Variants in ADAMTS5 observed in about 807,000 individuals in gnomAD.
ADAMTS5 encodes ADAM metallopeptidase with thrombospondin type 1 motif 5.
A neutral mutation model predicts 81.4 loss-of-function variants in ADAMTS5; 54 were observed. The observed-to-expected ratio is 0.66, with a 90% CI of 0.53 to 0.83. The LOEUF is 0.83. ADAMTS5 is among the 40% of genes least tolerant of loss of function. The pLI, the probability that ADAMTS5 is intolerant of heterozygous loss-of-function variation, is 0.00. For synonymous variants in ADAMTS5, 532 were observed against 508.8 expected (o/e 1.05, Z -0.61); for missense variants, 1,194 against 1,229.9 (o/e 0.97, Z 0.44).
At chr21:26,950,945 TC>T (rs993287439) in intron 2 of ADAMTS5, among the ~76,000 whole-genome samples, 100 of 152,240 alleles carry the variant, frequency 6.6e-4, no homozygotes, top group African/African-American at 2.3e-3. Context: ...ATCCTCTGTC[TC>T]CTGGGCTCAA....
chr21:26,924,675 A>G (rs976078119), intron 7 of ADAMTS5, 55 bp from the exon 8 acceptor site: 1 of 1,377,826 alleles, frequency 7.3e-7, no homozygotes, highest in African/African-American at 1.5e-5. Context: ...AAAAGGGAGA[A>G]AAAAATGAGT....
At chr21:26,943,356 T>TG in intron 3 of ADAMTS5, 24 bp downstream of exon 3, 1 of 1,590,724 alleles carries the variant, frequency 6.3e-7, no homozygotes, top group South Asian at 1.1e-5. Flanking sequence ...TTTCTCAGTC[T>TG]GTGTTCTCCT....
intron 2 of ADAMTS5, among the ~76,000 whole-genome samples, chr21:26,949,589 C>T (rs1049968878): frequency 3.1e-4 from 47 of 152,044 alleles, no homozygotes; most frequent in African/African-American, 1.1e-3. Flanking sequence ...ACTTTTTATG[C>T]CACCTTCAAT....
intron 2 of ADAMTS5, among the ~76,000 whole-genome samples, chr21:26,949,164 A>G (rs543309442): frequency 6.7e-6 from 1 of 149,324 alleles, no homozygotes; most frequent in Non-Finnish European, 1.5e-5. Context: ...TCACACATAT[A>G]TCCATATATA....
intron 2 of ADAMTS5, among the ~76,000 whole-genome samples, chr21:26,944,277 G>A (rs1426968142): frequency 6.6e-6 from 1 of 152,136 alleles, no homozygotes; most frequent in Non-Finnish European, 1.5e-5. Context: ...ATAATATGGA[G>A]TTTGAGAGCT....
chr21:26,950,183 A>G (rs1351849978), intron 2 of ADAMTS5, among the ~76,000 whole-genome samples: 2 of 152,216 alleles, frequency 1.3e-5, no homozygotes, highest in Admixed American at 6.5e-5. Flanking sequence ...TAACCACTAT[A>G]AAGCAAAGCT....
chr21:26,966,447 T>C lies in ADAMTS5; in HGVS notation c.-56A>G. Reference sequence around the variant, plus strand: ...ACTGGGACTTTATGGGTATTTGTTATTTGCTATGAAGTTAACGGGGCGGGG... The same window carrying C: ...ACTGGGACTTTATGGGTATTTGTTACTTGCTATGAAGTTAACGGGGCGGGG... On this transcript the variant is annotated 5_prime_UTR_variant, in exon 1 of 8. Coordinates refer to ENST00000284987, the MANE Select transcript of ADAMTS5 (RefSeq NM_007038.5). 2.2e-6 allele frequency: 3 copies of C among 1,392,348 alleles called. No homozygotes were observed. Among genetic ancestry groups the C allele is most frequent in the Non-Finnish European group, 2.8e-6 (3 of 1,082,672 alleles). The allele number at this position is 1,392,348 out of a possible 1,614,324, so 86.2% of individuals were successfully genotyped here. A position where few individuals can be genotyped will look rare whatever the true frequency, so the allele number is the denominator to read the frequency against.
chr21:26,930,196 A>G, intron 6 of ADAMTS5, 135 bp from the exon 7 acceptor site: 1 of 807,260 alleles, frequency 1.2e-6, no homozygotes, highest in Non-Finnish European at 1.8e-6. Context: ...AAAAAAAGCC[A>G]AAAAAACATA....
At chr21:26,943,996 G>T (rs1264597124) in intron 2 of ADAMTS5, among the ~76,000 whole-genome samples, 1 of 152,188 alleles carries the variant, frequency 6.6e-6, no homozygotes, top group Admixed American at 6.5e-5. Context: ...ACTTAGTGCT[G>T]TGCAAGTTGC....
intron 3 of ADAMTS5, among the ~76,000 whole-genome samples, chr21:26,941,971 C>T (rs935288604): frequency 1.6e-4 from 25 of 151,988 alleles, no homozygotes; most frequent in African/African-American, 6.0e-4. Context: ...AAGCTTCATA[C>T]GTTAATTCTT....
intron 4 of ADAMTS5, among the ~76,000 whole-genome samples, chr21:26,933,280 A>G (rs1450637092): frequency 1.3e-5 from 2 of 152,168 alleles, no homozygotes; most frequent in East Asian, 3.9e-4. Context: ...CATCATCCTA[A>G]GTACTGAGCA....
In ADAMTS5 at chr21:26,966,081, C is replaced by T. The variant is rs267606089; in HGVS notation, c.311G>A (p.Arg104Gln). 14 of 1,612,898 alleles carry T rather than the reference C, an allele frequency of 8.7e-6. No homozygotes were observed. Among genetic ancestry groups the T allele is most frequent in the Non-Finnish European group, 1.2e-5 (14 of 1,179,808 alleles). The change falls in exon 1 of 8, where the codon CGA becomes CAA. Residue 104 changes from arginine (R) to glutamine (Q), a missense_variant. Arg to Gln is a conservative substitution (Grantham distance 43). Around this residue, in one of 2 missense-constraint regions of ADAMTS5, gnomAD observed 498 missense variants for 412.3 expected, o/e 1.21. Coordinates refer to ENST00000284987, the MANE Select transcript of ADAMTS5 (RefSeq NM_007038.5). ...GGRRFLLDLE[R>Q]DGSVGIAGFV... ...GCCAGCAATGCCCACCGAACCATCT[C>T]GCTCCAGGTCCAAGAGGAACCTCCG...
intron 1 of ADAMTS5, among the ~76,000 whole-genome samples, chr21:26,956,338 T>G (rs1340513130): frequency 6.6e-6 from 1 of 152,204 alleles, no homozygotes; most frequent in Admixed American, 6.5e-5. Flanking sequence ...GGCCACCAAG[T>G]TACTGTAGCT....
chr21:26,943,597 T>G, intron 2 of ADAMTS5, 50 bp from the exon 3 acceptor site: 1 of 1,539,022 alleles, frequency 6.5e-7, no homozygotes, highest in Non-Finnish European at 8.9e-7. Context: ...TGTGTATTTC[T>G]ATCTTTCCAT....
chr21:26,932,699 T>G (rs985605279), intron 5 of ADAMTS5, among the ~76,000 whole-genome samples, 162 bp downstream of exon 5: 2 of 126,882 alleles, frequency 1.6e-5, no homozygotes, highest in African/African-American at 5.4e-5. Flanking sequence ...AGACTCCATC[T>G]CAAAAAAAAA....
At chr21:26,932,222 A>G (rs1424231368) in intron 5 of ADAMTS5, 43 bp from the exon 6 acceptor site, 2 of 1,574,860 alleles carry the variant, frequency 1.3e-6, no homozygotes, top group South Asian at 2.4e-5. Flanking sequence ...TCAGTTCTGA[A>G]ACTTAGATAT....
rs926208694 is a variant in ADAMTS5, at chr21:26,966,007, G to A, written c.385C>T (p.His129Tyr). ...TCCACTGTGCCCCGATAGAAGCAGT[G>A]GCTCCGGTGGCGCCAGGGCGCACTC... ...GTSAPWRHRS[H>Y]CFYRGTVDGS... The change falls in exon 1 of 8, where the codon CAC (histidine) becomes TAC (tyrosine). Residue 129 changes from histidine to tyrosine, a missense_variant. Coordinates refer to ENST00000284987, the MANE Select transcript of ADAMTS5 (RefSeq NM_007038.5). The A allele has an allele frequency of 6.2e-7, 1 of 1,612,976 alleles. No homozygotes were observed. Among genetic ancestry groups the A allele is most frequent in the African/African-American group, 1.3e-5 (1 of 74,942 alleles).
chr21:26,919,100 C>G lies in ADAMTS5; in HGVS notation c.*4953G>C, dbSNP rs1986637870. ...GTAAAATCATGTAGAAAAATAGTAA[C>G]TCAAAAATACCACATTTGACAGTCG... On this transcript the variant is annotated 3_prime_UTR_variant, in exon 8 of 8. Transcript: ENST00000284987. The G allele has an allele frequency of 6.6e-6, 1 of 151,930 alleles. No individual in the cohort carries two copies. The highest frequency in any genetic ancestry group is 1.5e-5 in the Non-Finnish European group (1 of 67,932). 9.4% of individuals were successfully genotyped at this position (151,930 alleles called of 1,614,324 possible).
chr21:26,944,273 T>A (rs953959116), intron 2 of ADAMTS5, among the ~76,000 whole-genome samples: 3 of 152,176 alleles, frequency 2.0e-5, no homozygotes, highest in African/African-American at 7.2e-5. Flanking sequence ...ACCAATAATA[T>A]GGAGTTTGAG....
Sources: gnomAD v4.1 joint callset for allele counts (sites outside exome capture counted in the v4.1 genomes callset) on GRCh38, gnomAD v4.1.1 for gene constraint, gnomAD v4.1.1 regional missense constraint, MANE v1.5 for transcripts, NCBI Gene and HGNC (gene_info 2026-07-23, HGNC 2026-07-21) for gene names.